CPNE8: variants seen among roughly 807,000 people sequenced by gnomAD.
CPNE8 encodes copine-8.
A neutral mutation model predicts 81.5 loss-of-function variants in CPNE8; 45 were observed. The observed-to-expected ratio is 0.55, with a 90% CI of 0.44 to 0.71. CPNE8 has a LOEUF of 0.71. Among genes scored for constraint, CPNE8 ranks in the 30% least tolerant of loss-of-function variants. The pLI is 0.00. For missense variants in CPNE8, 594 were observed against 672.1 expected (o/e 0.88, Z 1.28); for synonymous variants, 252 against 226.3 (o/e 1.11, Z -1.02).
chr12:38,799,099 G>C lies in CPNE8; in HGVS notation c.408-22798C>G, dbSNP rs76485825. Among the ~76,000 whole-genome samples, 15 of 152,192 alleles carry C rather than the reference G, an allele frequency of 9.9e-5. No individual in the cohort carries two copies. The South Asian group carries it at 2.5e-3, about 25-fold the overall frequency. ...ACTTAGACTCCCACACAATAATAAT[G>C]GGAGACTTTAACACCCCACTGTCAA... On this transcript the variant is annotated intron_variant, in intron 6 of 19. Coordinates refer to ENST00000331366, the MANE Select transcript of CPNE8 (RefSeq NM_153634.3).
intron 6 of CPNE8, among the ~76,000 whole-genome samples, chr12:38,789,789 G>T (rs1017361170): frequency 3.3e-5 from 5 of 151,764 alleles, no homozygotes; most frequent in Non-Finnish European, 5.9e-5. Context: ...ATGGGCAAAA[G>T]ATCTGAATCG....
chr12:38,726,063 C>T lies in CPNE8; in HGVS notation c.799-1164G>A, dbSNP rs546790953. Among the ~76,000 whole-genome samples, 9 of 152,100 alleles carry T rather than the reference C, an allele frequency of 5.9e-5. No homozygotes were observed. In the South Asian group the frequency reaches 8.3e-4, roughly 14 times the overall value. ...TCAGGCAGTAATGCTCCCTTGCTTGCGGCTCACCTCATGCTGTGTGGCCCA... is the reference window on the plus strand; with the variant it reads ...TCAGGCAGTAATGCTCCCTTGCTTGTGGCTCACCTCATGCTGTGTGGCCCA... On this transcript the variant is annotated intron_variant, in intron 11 of 19. Transcript: ENST00000331366.
At chr12:38,872,602 G>A (rs932967105) in intron 3 of CPNE8, among the ~76,000 whole-genome samples, 2 of 152,102 alleles carry the variant, frequency 1.3e-5, no homozygotes, top group Non-Finnish European at 2.9e-5. Flanking sequence ...TTTTAAATAT[G>A]TTGCAAAAAG....
chr12:38,905,509 G>T lies in CPNE8; in HGVS notation c.26C>A (p.Ala9Glu). 1 of 1,571,176 alleles carries T rather than the reference G, an allele frequency of 6.4e-7. No individual in the cohort carries two copies. Among genetic ancestry groups the T allele is most frequent in the Non-Finnish European group, 8.6e-7 (1 of 1,158,094 alleles). ...CAGCTGGTTCAAGTCCCCGATGCCC[G>T]CAGTGCTGTTGTAGCGGCTGTCCAT... is the stretch of plus-strand genomic sequence containing the variant. MDSRYNST[A>E]GIGDLNQLSA... is the part of the protein sequence containing the mutation. The change falls in exon 1 of 20, where the codon GCG (alanine) becomes GAG (glutamate). Residue 9 changes from alanine to glutamate, a missense_variant. Physicochemically the swap from Ala to Glu is moderately radical, Grantham distance 107. Transcript: ENST00000331366.
intron 6 of CPNE8, among the ~76,000 whole-genome samples, chr12:38,798,769 T>A (rs145432770): frequency 2.9e-4 from 44 of 152,212 alleles, no homozygotes; most frequent in Non-Finnish European, 2.6e-4. Context: ...GGATAAAGAC[T>A]CAAGATCCAT....
chr12:38,860,963 C>G (rs1404360169), intron 3 of CPNE8, among the ~76,000 whole-genome samples: 1 of 152,088 alleles, frequency 6.6e-6, no homozygotes, highest in Non-Finnish European at 1.5e-5. Context: ...GCATTCCATA[C>G]TTAAAAATTT....
At chr12:38,698,769 C>T (rs1430480685) in intron 14 of CPNE8, among the ~76,000 whole-genome samples, 1 of 152,156 alleles carries the variant, frequency 6.6e-6, no homozygotes, top group Non-Finnish European at 1.5e-5. Flanking sequence ...CATCTTTATG[C>T]CAGAAGACAC....
chr12:38,897,246 G>A (rs985018941), intron 1 of CPNE8, among the ~76,000 whole-genome samples: 2 of 152,038 alleles, frequency 1.3e-5, no homozygotes, highest in African/African-American at 4.8e-5. Context: ...CAGTAGCTTA[G>A]CCTTGATTCT....
At chr12:38,765,236 T>G (rs1941663385) in intron 8 of CPNE8, among the ~76,000 whole-genome samples, 1 of 152,182 alleles carries the variant, frequency 6.6e-6, no homozygotes, top group African/African-American at 2.4e-5. Flanking sequence ...CCAATGTAGC[T>G]TTGCCTAACA....
In CPNE8 at chr12:38,692,585, T is replaced by A. The variant is rs191663642; in HGVS notation, c.1143+1072A>T. ...GAGGCTAAACCAGTATATATTTGTA[T>A]AGGTTTGGTTACAAGGAATGAACAC... On this transcript the variant is annotated intron_variant, in intron 15 of 19. Coordinates refer to ENST00000331366, the MANE Select transcript of CPNE8 (RefSeq NM_153634.3). Among the ~76,000 whole-genome samples the A allele has an allele frequency of 3.4e-4, 52 of 152,220 alleles. No individual in the cohort carries two copies. The East Asian group carries it at 9.3e-3, about 27-fold the overall frequency.
intron 10 of CPNE8, among the ~76,000 whole-genome samples, chr12:38,747,731 G>C (rs1941261249): frequency 6.6e-6 from 1 of 152,034 alleles, no homozygotes; most frequent in African/African-American, 2.4e-5. Flanking sequence ...AACATATACT[G>C]TATTTCAAAG....
At chr12:38,717,213 T>C (rs879183563) in intron 13 of CPNE8, among the ~76,000 whole-genome samples, 2 of 151,500 alleles carry the variant, frequency 1.3e-5, no homozygotes, top group East Asian at 1.9e-4. Context: ...GTACAACCAC[T>C]ATGGAAAACA....
intron 17 of CPNE8, 131 bp downstream of exon 17, chr12:38,677,321 G>A: frequency 3.2e-6 from 2 of 615,838 alleles, no homozygotes; most frequent in Non-Finnish European, 5.9e-6. Context: ...GTCTGGATAA[G>A]GTTAAGGATG....
chr12:38,841,678 T>C lies in CPNE8; in HGVS notation c.291-1723A>G, dbSNP rs181353720. 9.9e-5 allele frequency among the ~76,000 whole-genome samples: 15 copies of C among 152,278 alleles called. No individual in the cohort carries two copies. In the East Asian group the frequency reaches 2.7e-3, roughly 27 times the overall value. On this transcript the variant is annotated intron_variant, in intron 4 of 19. Transcript: ENST00000331366. ...GTGAAATGATTTGCTTTAAAGTGAT[T>C]CAGCAATAAGTATATAATAAATAAC...
At chr12:38,876,883 A>T (rs1222346391) in intron 1 of CPNE8, among the ~76,000 whole-genome samples, 2 of 152,222 alleles carry the variant, frequency 1.3e-5, no homozygotes, top group African/African-American at 4.8e-5. Flanking sequence ...TGCACCATTC[A>T]GTTTAGATTT....
At chr12:38,773,256 G>A (rs758224124) in intron 7 of CPNE8, among the ~76,000 whole-genome samples, 1 of 152,004 alleles carries the variant, frequency 6.6e-6, no homozygotes. Flanking sequence ...TAGTACCTAT[G>A]GTTAACAATA....
At chr12:38,685,914 T>G (rs1035235569) in intron 15 of CPNE8, among the ~76,000 whole-genome samples, 3 of 152,068 alleles carry the variant, frequency 2.0e-5, no homozygotes, top group African/African-American at 7.2e-5. Flanking sequence ...CAGCCTAAAA[T>G]TAATAGTATC....
chr12:38,793,371 A>C (rs1347895793), intron 6 of CPNE8, among the ~76,000 whole-genome samples: 2 of 151,756 alleles, frequency 1.3e-5, no homozygotes, highest in African/African-American at 4.8e-5. Flanking sequence ...GAACTAATAA[A>C]CAAATTCAAA....
At chr12:38,790,499 C>T (rs1405450078) in intron 6 of CPNE8, among the ~76,000 whole-genome samples, 3 of 151,550 alleles carry the variant, frequency 2.0e-5, no homozygotes, top group African/African-American at 7.3e-5. Flanking sequence ...AATATAAAAA[C>T]AATAGTTAGA....
Sources: gnomAD v4.1 joint callset for allele counts (sites outside exome capture counted in the v4.1 genomes callset) on GRCh38, gnomAD v4.1.1 for gene constraint, MANE v1.5 for transcripts, NCBI Gene and HGNC (gene_info 2026-07-23, HGNC 2026-07-21) for gene names.